Variants in MAPK8IP3 observed in about 807,000 individuals in gnomAD.
MAPK8IP3 encodes mitogen-activated protein kinase 8 interacting protein 3.
MAPK8IP3 carries 49 observed loss-of-function variants against 157.8 expected under a neutral mutation model. The observed-to-expected ratio is 0.31, with a 90% confidence interval of 0.25 to 0.39. The LOEUF (loss-of-function observed/expected upper bound fraction) is 0.39, where lower values mean the gene tolerates loss of function less well. Among genes scored for constraint, MAPK8IP3 ranks in the 10% least tolerant of loss-of-function variants. The pLI is 1.00. For missense variants in MAPK8IP3, 1,478 were observed against 1,889.4 expected (o/e 0.78, Z 4.04); for synonymous variants, 897 against 777.7 (o/e 1.15, Z -2.55).
chr16:1,721,517 C>T (rs745484157), intron 1 of MAPK8IP3, among the ~76,000 whole-genome samples: 23 of 152,100 alleles, frequency 1.5e-4, no homozygotes, highest in African/African-American at 5.6e-4. Context: ...ACTGCAGCCC[C>T]GACCTCCTGG....
Position 1,768,300 on chromosome 16 carries a change from C to T in MAPK8IP3, c.3664C>T (p.Pro1222Ser), listed in dbSNP as rs1177846665. ...SSDRAASSFI[P>S]YCSMAQAQLC... ...TGACAGGGCGGCCAGCAGCTTCATC[C>T]CCTACTGCTCCATGGCCCAGGCCCA... is the stretch of plus-strand genomic sequence containing the variant. Residue 1222 changes from proline (P) to serine (S), a missense_variant, in exon 30 of 32, where the codon CCC becomes TCC. Pro to Ser is a moderately conservative substitution (Grantham distance 74). Around this residue, in one of 11 missense-constraint regions of MAPK8IP3, gnomAD observed 83 missense variants for 85.3 expected, o/e 0.97. Coordinates refer to ENST00000610761, the MANE Select transcript of MAPK8IP3 (RefSeq NM_001318852.2). 5 of 1,610,380 alleles carry T rather than the reference C, an allele frequency of 3.1e-6. No individual in the cohort carries two copies. Among genetic ancestry groups the T allele is most frequent in the Non-Finnish European group, 4.2e-6 (5 of 1,179,990 alleles).
chr16:1,733,508 C>G (rs1470781863), intron 4 of MAPK8IP3, among the ~76,000 whole-genome samples: 1 of 152,232 alleles, frequency 6.6e-6, no homozygotes, highest in Non-Finnish European at 1.5e-5. Flanking sequence ...GGCTGCGGGG[C>G]AAGGAGTACT....
rs2040717119 is a variant in MAPK8IP3, at chr16:1,742,072, A to T, written c.603-1260A>T. Among the ~76,000 whole-genome samples, 2 of 152,122 alleles carry T rather than the reference A, an allele frequency of 1.3e-5. No homozygotes were observed. On this transcript the variant is annotated intron_variant, in intron 4 of 31. Transcript: ENST00000610761. This position sits in a 1 kb window ranked among gnomAD's most constrained non-coding sequence, Gnocchi z 5.0. ...TCCTACAGTCTCAGGGCTGAGATGT[A>T]AGCAGCTGAGGCTGTGGTGCAAGCA...
intron 5 of MAPK8IP3, chr16:1,744,935 T>G: frequency 1.0e-6 from 1 of 980,492 alleles, no homozygotes; most frequent in South Asian, 4.7e-5. Flanking sequence ...TTTTGTTGTT[T>G]TTTGTTTTGT....
intron 1 of MAPK8IP3, among the ~76,000 whole-genome samples, chr16:1,721,595 C>T (rs1019376563): frequency 1.3e-5 from 2 of 152,194 alleles, no homozygotes; most frequent in African/African-American, 2.4e-5. Context: ...CTCACTGGAA[C>T]TACAGGCACA....
rs2042547639 is a variant in MAPK8IP3 at position 1,770,339 on chromosome 16, A to G, written c.*1515A>G. 3.0e-6 allele frequency: 1 copy of G among 329,824 alleles called. No individual in the cohort carries two copies. Among genetic ancestry groups the G allele is most frequent in the Non-Finnish European group, 5.5e-6 (1 of 180,678 alleles). The allele number at this position is 329,824 out of a possible 1,614,324, so 20.4% of individuals were successfully genotyped here. On this transcript the variant is annotated 3_prime_UTR_variant, in exon 32 of 32. Transcript: ENST00000610761. ...CGTAGCTGCCTGTTCCTGGGCCCAA[A>G]TCGAAACGAAAACGAGGACTTTATT...
chr16:1,738,065 ACCATCCGTGTGAGAGTGTGACCAT>A (rs2040179182), intron 4 of MAPK8IP3, among the ~76,000 whole-genome samples: 1 of 58,218 alleles, frequency 1.7e-5, no homozygotes. Context: ...TGAGTGTGTG[ACCATCCGTGTGAGAGTGTGACCAT>A]CCATGTGAGC....
intron 19 of MAPK8IP3, 126 bp from the exon 20 acceptor site, chr16:1,764,887 C>A: frequency 1.1e-6 from 1 of 901,158 alleles, no homozygotes; most frequent in Non-Finnish European, 1.7e-6. Context: ...TGGGGGAGGA[C>A]AGCCATGTCC....
chr16:1,719,668 CA>C (rs58680997), intron 1 of MAPK8IP3, among the ~76,000 whole-genome samples: 844 of 51,124 alleles, frequency 0.017, 3 homozygotes, highest in Middle Eastern at 0.048. Flanking sequence ...CCCATCTCTA[CA>C]AAAAAAAAAA....
At position 1,748,227 on chromosome 16, in the gene MAPK8IP3, C is replaced by T. The variant is rs775638721; in HGVS notation, c.995-17C>T. 3 of 1,599,386 alleles carry T rather than the reference C, an allele frequency of 1.9e-6. No homozygotes were observed. The highest frequency in any genetic ancestry group is 2.6e-6 in the Non-Finnish European group (3 of 1,166,992). ...AGACCCTCTCCTGACCCCAGGTGCCCCTGTGCTCTCCCCTAGGCATGGGCA... is the reference window on the plus strand; with the variant it reads ...AGACCCTCTCCTGACCCCAGGTGCCTCTGTGCTCTCCCCTAGGCATGGGCA... On this transcript the variant is annotated splice_polypyrimidine_tract_variant and intron_variant, in intron 6 of 31. Coordinates refer to ENST00000610761, the MANE Select transcript of MAPK8IP3 (RefSeq NM_001318852.2).
At position 1,766,580 on chromosome 16, in the gene MAPK8IP3, C is replaced by T; in HGVS notation, c.2871C>T (p.Pro957=). 6.2e-7 allele frequency: 1 copy of T among 1,612,432 alleles called. No homozygotes were observed. The highest frequency in any genetic ancestry group is 8.5e-7 in the Non-Finnish European group (1 of 1,179,866). ...GCAGCACACGGCCAGAGCCAGAGCC[C>T]AGCGGGGACCCCACGGGAGCAGGCA... ...DSSSTRPEPE[P]SGDPTGAGSS... Residue 957 remains proline (P), a synonymous_variant, in exon 23 of 32, where the codon CCC becomes CCT. Coordinates refer to ENST00000610761, the MANE Select transcript of MAPK8IP3 (RefSeq NM_001318852.2).
Position 1,768,609 on chromosome 16 carries a change from A to C in MAPK8IP3, c.3875A>C (p.Tyr1292Ser). 6.3e-7 allele frequency: 1 copy of C among 1,595,020 alleles called. No homozygotes were observed. The highest frequency in any genetic ancestry group is 1.7e-4 in the Middle Eastern group (1 of 5,778). Residue 1292 changes from tyrosine to serine, a missense_variant, in exon 31 of 32, where the codon TAC becomes TCC. This residue lies in a region of MAPK8IP3 where 133 missense variants were observed against 133.4 expected (regional missense o/e 1.00). Transcript: ENST00000610761. Reference protein sequence around the residue: ...NVLVLSGGEGYIDFRIGDGED... With the variant: ...NVLVLSGGEGSIDFRIGDGED... ...CTGGTGCTGAGCGGCGGGGAGGGCT[A>C]CATCGACTTCCGCATTGGTGAGCGG...
In MAPK8IP3 at chr16:1,743,530, C is replaced by T. The variant is rs183260697; in HGVS notation, c.747+54C>T. ...GCTCCTCCCTGTTGCTGGTGTTCCC[C>T]GTTCACTGGGGCGGGAGCCTCGTCT... On this transcript the variant is annotated intron_variant, in intron 5 of 31. Transcript: ENST00000610761. This position sits in a 1 kb window ranked among gnomAD's most constrained non-coding sequence, Gnocchi z 5.6. 9.5e-6 allele frequency: 15 copies of T among 1,583,742 alleles called. No homozygotes were observed. Among genetic ancestry groups the T allele is most frequent in the Non-Finnish European group, 1.2e-5 (14 of 1,170,956 alleles).
chr16:1,710,349 C>T lies in MAPK8IP3; in HGVS notation c.318+3692C>T, dbSNP rs928144021. 5.9e-5 allele frequency among the ~76,000 whole-genome samples: 9 copies of T among 151,774 alleles called. No homozygotes were observed. Among genetic ancestry groups the T allele is most frequent in the Non-Finnish European group, 1.3e-4 (9 of 67,936 alleles). On this transcript the variant is annotated intron_variant, in intron 1 of 31. Transcript: ENST00000610761. This position sits in a 1 kb window ranked among gnomAD's most constrained non-coding sequence, Gnocchi z 4.1. Reference sequence around the variant, plus strand: ...ATTAGCCAGGTGTGGCGGCAGGCCCCTGTAGTCCCAGCACTCGGGAGGCTG... The same window carrying T: ...ATTAGCCAGGTGTGGCGGCAGGCCCTTGTAGTCCCAGCACTCGGGAGGCTG...
At chr16:1,722,402 G>A (rs1380321316) in intron 1 of MAPK8IP3, among the ~76,000 whole-genome samples, 1 of 152,210 alleles carries the variant, frequency 6.6e-6, no homozygotes, top group African/African-American at 2.4e-5. Context: ...TTTAGAAGCT[G>A]CTGCTATAGG....
In MAPK8IP3 at chr16:1,748,763, C is replaced by G. The variant is rs780893504; in HGVS notation, c.1216+43C>G. ...CCCGCACCGCTGTGCCTGCACAATG[C>G]TGGGGCTTTCTGCTGTTGGTTTTGT... On this transcript the variant is annotated intron_variant, in intron 8 of 31. Transcript: ENST00000610761. 4.7e-6 allele frequency: 7 copies of G among 1,501,620 alleles called. No individual in the cohort carries two copies. The Admixed American group carries it at 1.0e-4, about 21-fold the overall frequency. The allele number at this position is 1,501,620 out of a possible 1,614,324, so 93.0% of individuals were successfully genotyped here.
At chr16:1,755,671 A>G (rs1370564013) in intron 8 of MAPK8IP3, among the ~76,000 whole-genome samples, 1 of 152,032 alleles carries the variant, frequency 6.6e-6, no homozygotes, top group East Asian at 1.9e-4. Flanking sequence ...ACATGGTGAA[A>G]CCCCATCTCT....
chr16:1,763,073 T>C, intron 16 of MAPK8IP3, 67 bp downstream of exon 16: 1 of 1,587,576 alleles, frequency 6.3e-7, no homozygotes, highest in Non-Finnish European at 8.6e-7. Context: ...CTGAGGCTCC[T>C]CCCCTCCAGG....
intron 4 of MAPK8IP3, among the ~76,000 whole-genome samples, chr16:1,731,289 C>T (rs558034575): frequency 6.6e-6 from 1 of 152,322 alleles, no homozygotes; most frequent in Admixed American, 6.5e-5. Context: ...AGATTGCGCA[C>T]TGCACTCCAG....
Sources: gnomAD v4.1 joint callset for allele counts (sites outside exome capture counted in the v4.1 genomes callset) on GRCh38, gnomAD v4.1.1 for gene constraint, gnomAD v4.1.1 regional missense constraint, Gnocchi (gnomAD v3.1) non-coding constraint, MANE v1.5 for transcripts, NCBI Gene and HGNC (gene_info 2026-07-23, HGNC 2026-07-21) for gene names.